Variants in CCDC85A observed in about 807,000 individuals in gnomAD.
CCDC85A encodes coiled-coil domain-containing protein 85A.
CCDC85A carries 38 observed loss-of-function variants against 50.2 expected under a neutral mutation model. That is an observed-to-expected ratio of 0.76 (90% CI 0.58 to 0.99). The LOEUF (loss-of-function observed/expected upper bound fraction) is 0.99, where lower values mean the gene tolerates loss of function less well. CCDC85A is among the 50% of genes least tolerant of loss of function. CCDC85A has a pLI of 0.00. For missense variants in CCDC85A, 820 were observed against 742.0 expected, an observed-to-expected ratio of 1.11 and a Z score of -1.22; for synonymous variants, 366 against 301.4, an observed-to-expected ratio of 1.21 and a Z score of -2.22.
At chr2:56,217,808 A>C (rs530076437) in intron 2 of CCDC85A, among the ~76,000 whole-genome samples, 2 of 151,880 alleles carry the variant, frequency 1.3e-5, no homozygotes, top group Non-Finnish European at 2.9e-5. Context: ...TTAATTGTAC[A>C]TGAAAATCAT....
chr2:56,280,540 A>T (rs1671159514), intron 2 of CCDC85A, among the ~76,000 whole-genome samples: 1 of 152,136 alleles, frequency 6.6e-6, no homozygotes, highest in Non-Finnish European at 1.5e-5. Flanking sequence ...CCATGCTTAC[A>T]AGCAAGAACT....
intron 2 of CCDC85A, among the ~76,000 whole-genome samples, chr2:56,303,651 T>G (rs1672305418): frequency 6.6e-6 from 1 of 152,162 alleles, no homozygotes; most frequent in Admixed American, 6.6e-5. Flanking sequence ...AATTATTATT[T>G]TTTCTCTCTG....
chr2:56,191,871 T>C (rs922697647), intron 1 of CCDC85A, among the ~76,000 whole-genome samples: 1 of 152,246 alleles, frequency 6.6e-6, no homozygotes, highest in Non-Finnish European at 1.5e-5. Flanking sequence ...GGGCTGAAGA[T>C]CTAAGCAGTG....
intron 2 of CCDC85A, among the ~76,000 whole-genome samples, chr2:56,248,773 A>G (rs1669623270): frequency 6.6e-6 from 1 of 152,192 alleles, no homozygotes. Context: ...GTGTCAGGAC[A>G]CTGGTCTGAA....
chr2:56,242,476 A>C (rs987597753), intron 2 of CCDC85A, among the ~76,000 whole-genome samples: 8 of 152,072 alleles, frequency 5.3e-5, no homozygotes, highest in African/African-American at 1.9e-4. Context: ...TTGATGGGGG[A>C]GATGCTCCAC....
chr2:56,257,189 A>C (rs968204085), intron 2 of CCDC85A, among the ~76,000 whole-genome samples: 9 of 152,180 alleles, frequency 5.9e-5, no homozygotes, highest in African/African-American at 2.2e-4. Flanking sequence ...AGTACGTTTC[A>C]GTCCCTGACA....
intron 2 of CCDC85A, among the ~76,000 whole-genome samples, chr2:56,243,092 A>T: frequency 6.6e-6 from 1 of 151,754 alleles, no homozygotes; most frequent in East Asian, 1.9e-4. Context: ...GTATTTAGTT[A>T]TTAAATGCCT....
chr2:56,373,775 G>C (rs569062254), intron 4 of CCDC85A, among the ~76,000 whole-genome samples: 2 of 152,194 alleles, frequency 1.3e-5, no homozygotes, highest in African/African-American at 4.8e-5. Context: ...AGCGAATTCT[G>C]TATAACCTGA....
intron 1 of CCDC85A, among the ~76,000 whole-genome samples, chr2:56,185,309 C>T (rs1355910254): frequency 6.6e-6 from 1 of 152,188 alleles, no homozygotes; most frequent in Non-Finnish European, 1.5e-5. Flanking sequence ...AATGCGGCTG[C>T]TCTGGGCCAG....
At chr2:56,323,350 C>T (rs1187698677) in intron 2 of CCDC85A, among the ~76,000 whole-genome samples, 1 of 151,968 alleles carries the variant, frequency 6.6e-6, no homozygotes, top group African/African-American at 2.4e-5. Flanking sequence ...CAGAATTTAG[C>T]TTCTGAAGGT....
chr2:56,317,571 C>T (rs182175132), intron 2 of CCDC85A, among the ~76,000 whole-genome samples: 176 of 152,118 alleles, frequency 1.2e-3, no homozygotes, highest in Non-Finnish European at 1.8e-3. Context: ...GGAAATTTCA[C>T]GTGAAATATT....
rs1558670005 is a variant in CCDC85A at position 56,384,511 on chromosome 2, A to T, written c.*156A>T. ...TCTCCCCTCTAAAACCTGTAGTACA[A>T]CTTCTCCCCTCAAGCTGATATTCTG... On this transcript the variant is annotated 3_prime_UTR_variant, in exon 6 of 6. Transcript: ENST00000407595. 1 of 593,974 alleles carries T rather than the reference A, an allele frequency of 1.7e-6. No individual in the cohort carries two copies. Among genetic ancestry groups the T allele is most frequent in the Non-Finnish European group, 3.0e-6 (1 of 335,034 alleles). The allele number at this position is 593,974 out of a possible 1,614,324, so 36.8% of individuals were successfully genotyped here.
intron 2 of CCDC85A, among the ~76,000 whole-genome samples, chr2:56,271,506 C>G (rs1670694963): frequency 6.6e-6 from 1 of 152,168 alleles, no homozygotes; most frequent in South Asian, 2.1e-4. Context: ...ACAGGCCCTA[C>G]ACAGCAGGTG....
At chr2:56,325,266 G>A (rs1003053157) in intron 2 of CCDC85A, among the ~76,000 whole-genome samples, 1 of 152,064 alleles carries the variant, frequency 6.6e-6, no homozygotes. Flanking sequence ...ATATGGAGAT[G>A]TAGTTAGCCT....
chr2:56,186,565 T>A (rs568444861), intron 1 of CCDC85A, among the ~76,000 whole-genome samples: 7 of 152,212 alleles, frequency 4.6e-5, no homozygotes, highest in Non-Finnish European at 1.0e-4. Context: ...AAGGGGGCAT[T>A]AGTTTGTCAT....
chr2:56,362,315 A>G (rs1036015943), intron 3 of CCDC85A, among the ~76,000 whole-genome samples: 4 of 152,132 alleles, frequency 2.6e-5, no homozygotes, highest in East Asian at 1.9e-4. Context: ...GACATAGTCA[A>G]TTTGAGGTGT....
chr2:56,252,366 A>T (rs1250880865), intron 2 of CCDC85A, among the ~76,000 whole-genome samples: 2 of 152,080 alleles, frequency 1.3e-5, no homozygotes, highest in Non-Finnish European at 2.9e-5. Context: ...TTTTTTAAGT[A>T]CTTAACTAGG....
At chr2:56,345,155 C>G (rs1020598022) in intron 3 of CCDC85A, among the ~76,000 whole-genome samples, 1 of 152,106 alleles carries the variant, frequency 6.6e-6, no homozygotes, top group Non-Finnish European at 1.5e-5. Flanking sequence ...AAATACATTA[C>G]TATTTTGCTA....
chr2:56,319,084 G>A (rs910806752), intron 2 of CCDC85A, among the ~76,000 whole-genome samples: 5 of 152,102 alleles, frequency 3.3e-5, no homozygotes, highest in Admixed American at 6.6e-5. Context: ...GAGGTGAGGC[G>A]TGGGTGGTGA....
Sources: gnomAD v4.1 joint callset for allele counts (sites outside exome capture counted in the v4.1 genomes callset) on GRCh38, gnomAD v4.1.1 for gene constraint, MANE v1.5 for transcripts, NCBI Gene and HGNC (gene_info 2026-07-23, HGNC 2026-07-21) for gene names.